The following NCKAP5 variants were observed in gnomAD, a reference collection of about 807,000 sequenced individuals.
NCKAP5 encodes the protein nck-associated protein 5.
NCKAP5 carries 92 observed loss-of-function variants against 167.0 expected under a neutral mutation model. The ratio of observed to expected loss-of-function variants is 0.55; its 90% CI spans 0.47 to 0.66. The LOEUF is 0.66. NCKAP5 is among the 30% of genes least tolerant of loss of function. The pLI is 0.00. For missense variants in NCKAP5, 2,378 were observed against 2,315.0 expected (o/e 1.03, Z -0.56); for synonymous variants, 891 against 877.4 (o/e 1.02, Z -0.27).
At chr2:132,869,103 A>T in intron 9 of NCKAP5, 129 bp from the exon 10 acceptor site, 1 of 561,182 alleles carries the variant, frequency 1.8e-6, no homozygotes, top group South Asian at 2.9e-5. Flanking sequence ...TTTCCTCTAT[A>T]TGCAGAGATC....
chr2:133,363,524 C>T (rs1055820331), intron 3 of NCKAP5, among the ~76,000 whole-genome samples: 3 of 152,062 alleles, frequency 2.0e-5, no homozygotes, highest in Non-Finnish European at 4.4e-5. Context: ...TTTTCATCAT[C>T]GACATTAATC....
At chr2:133,574,297 AGAC>A in the NCKAP5 span, among the ~76,000 whole-genome samples, 193 of 152,316 alleles carry the variant, frequency 1.3e-3, 2 homozygotes, top group African/African-American at 4.3e-3. Flanking sequence ...TAATAGTCCC[AGAC>A]GACCACGCTA....
At chr2:133,499,090 A>G (rs763671907) in intron 3 of NCKAP5, among the ~76,000 whole-genome samples, 1 of 152,222 alleles carries the variant, frequency 6.6e-6, no homozygotes, top group Non-Finnish European at 1.5e-5. Context: ...TGAAGTTACC[A>G]GTAACATTTC....
chr2:133,437,339 C>G (rs1489359595), intron 3 of NCKAP5, among the ~76,000 whole-genome samples: 1 of 145,396 alleles, frequency 6.9e-6, no homozygotes, highest in African/African-American at 2.7e-5. Context: ...GGTGACAGTG[C>G]GAGACTCTGT....
chr2:133,292,021 G>GT, intron 4 of NCKAP5, among the ~76,000 whole-genome samples: 1 of 152,286 alleles, frequency 6.6e-6, no homozygotes, highest in Non-Finnish European at 1.5e-5. Flanking sequence ...GGAAAGGAGA[G>GT]TGGAGGTAGG....
At chr2:133,437,927 TA>T (rs1242361602) in intron 3 of NCKAP5, among the ~76,000 whole-genome samples, 1 of 148,642 alleles carries the variant, frequency 6.7e-6, no homozygotes, top group Non-Finnish European at 1.5e-5. Context: ...TTATCTATTT[TA>T]CTTGTTGAAC....
intron 8 of NCKAP5, among the ~76,000 whole-genome samples, chr2:132,963,157 G>C (rs772717185): frequency 6.6e-6 from 1 of 152,154 alleles, no homozygotes; most frequent in East Asian, 1.9e-4. Context: ...AGTAACAGAC[G>C]GGTGTTATCA....
chr2:133,325,212 C>G (rs1331732115), intron 3 of NCKAP5, among the ~76,000 whole-genome samples: 1 of 152,118 alleles, frequency 6.6e-6, no homozygotes, highest in Non-Finnish European at 1.5e-5. Flanking sequence ...AGCCACTTTC[C>G]CAACTGTACA....
At chr2:132,954,916 T>C (rs974134840) in intron 8 of NCKAP5, among the ~76,000 whole-genome samples, 9 of 152,202 alleles carry the variant, frequency 5.9e-5, no homozygotes, top group Admixed American at 1.3e-4. Context: ...CAAAGAATAG[T>C]TTTTGTCTCA....
intron 4 of NCKAP5, among the ~76,000 whole-genome samples, chr2:133,224,547 G>T (rs1161165145): frequency 3.3e-5 from 5 of 152,128 alleles, no homozygotes; most frequent in African/African-American, 1.2e-4. Context: ...TAAATATCCA[G>T]TGAAGAAGTG....
chr2:132,679,784 G>A (rs1471271397), intron 19 of NCKAP5, among the ~76,000 whole-genome samples: 3 of 152,206 alleles, frequency 2.0e-5, no homozygotes, highest in African/African-American at 7.2e-5. Flanking sequence ...GCACTGGGAA[G>A]ATGGATTCAG....
intron 3 of NCKAP5, among the ~76,000 whole-genome samples, chr2:133,483,627 A>G (rs1048402918): frequency 4.1e-4 from 58 of 140,752 alleles, no homozygotes; most frequent in African/African-American, 5.5e-4. Flanking sequence ...GCAAAAAAAA[A>G]GGGGGGGGGG....
chr2:133,315,188 C>T (rs372302872), intron 3 of NCKAP5, among the ~76,000 whole-genome samples: 5 of 152,152 alleles, frequency 3.3e-5, no homozygotes, highest in African/African-American at 1.2e-4. Flanking sequence ...GAATAGGGGG[C>T]AGGGGCAGGA....
chr2:132,721,821 C>T (rs1012866268), intron 19 of NCKAP5, among the ~76,000 whole-genome samples: 1 of 152,188 alleles, frequency 6.6e-6, no homozygotes, highest in South Asian at 2.1e-4. Flanking sequence ...TCTCTGGCAA[C>T]ACATCCTCTT....
At chr2:133,385,276 A>C (rs1002231242) in intron 3 of NCKAP5, among the ~76,000 whole-genome samples, 1 of 152,164 alleles carries the variant, frequency 6.6e-6, no homozygotes, top group African/African-American at 2.4e-5. Context: ...AATTTTGTCA[A>C]AGGCCTTTTC....
rs551851417 is a variant in NCKAP5 at position 132,925,129 on chromosome 2, T to C, written c.579+38591A>G. ...TGGAAGATAATTTTTCCATGGACTT[T>C]GTTGGGGGGTGGGGAATGGTTTCAG... On this transcript the variant is annotated intron_variant, in intron 8 of 19. Coordinates refer to ENST00000409261, the MANE Select transcript of NCKAP5 (RefSeq NM_207363.3). Among the ~76,000 whole-genome samples, 20 of 152,172 alleles carry C rather than the reference T, an allele frequency of 1.3e-4. No individual in the cohort carries two copies. In the South Asian group the frequency reaches 3.9e-3, roughly 30 times the overall value.
chr2:132,864,198 C>T (rs1287767003), intron 10 of NCKAP5, among the ~76,000 whole-genome samples: 1 of 152,180 alleles, frequency 6.6e-6, no homozygotes, highest in African/African-American at 2.4e-5. Context: ...CATAATCCTT[C>T]TTTTTCTTCT....
At chr2:133,485,599 A>G (rs1260246185) in intron 3 of NCKAP5, among the ~76,000 whole-genome samples, 1 of 152,232 alleles carries the variant, frequency 6.6e-6, no homozygotes, top group Non-Finnish European at 1.5e-5. Flanking sequence ...GAAGTCATCG[A>G]TCGGCACATC....
chr2:133,599,274 T>C, the NCKAP5 span, among the ~76,000 whole-genome samples: 1 of 152,170 alleles, frequency 6.6e-6, no homozygotes, highest in Admixed American at 6.5e-5. Context: ...AGTGACATCC[T>C]AGAAGGCACT....
Sources: allele counts gnomAD v4.1 joint callset (sites outside exome capture counted in the v4.1 genomes callset), GRCh38; gene constraint gnomAD v4.1.1; transcripts MANE v1.5; gene names NCBI Gene and HGNC (gene_info 2026-07-23, HGNC 2026-07-21).